The following RPSA2 variants were observed in gnomAD, a reference collection of about 807,000 sequenced individuals.
The protein encoded by RPSA2 is ribosomal protein SA 2.
chr19:23,785,652 C>T, the RPSA2 span, among the ~76,000 whole-genome samples: 5 of 148,000 alleles, frequency 3.4e-5, no homozygotes, highest in Non-Finnish European at 7.4e-5. Flanking sequence ...TGTCTGGTCC[C>T]TGCCCTCAGG....
chr19:23,811,421 G>A, the RPSA2 span, among the ~76,000 whole-genome samples: 3 of 152,102 alleles, frequency 2.0e-5, no homozygotes, highest in Admixed American at 6.6e-5. Context: ...GTCATTACTG[G>A]TGTAAACCAT....
chr19:23,848,946 C>T, the RPSA2 span, among the ~76,000 whole-genome samples: 8 of 152,186 alleles, frequency 5.3e-5, no homozygotes, highest in Non-Finnish European at 8.8e-5. Flanking sequence ...AAACAAATCT[C>T]TTAGCTCTTT....
At chr19:23,785,457 A>C in the RPSA2 span, among the ~76,000 whole-genome samples, 1 of 152,116 alleles carries the variant, frequency 6.6e-6, no homozygotes, top group Non-Finnish European at 1.5e-5. Context: ...CACTCTGCCC[A>C]CAGAAAAATT....
the RPSA2 span, among the ~76,000 whole-genome samples, chr19:23,848,817 A>G: frequency 6.6e-6 from 1 of 152,210 alleles, no homozygotes; most frequent in Non-Finnish European, 1.5e-5. Flanking sequence ...TTTGGGTGGA[A>G]TTGGCTTGCC....
At chr19:23,832,070 G>A in the RPSA2 span, 1 of 460,714 alleles carries the variant, frequency 2.2e-6, no homozygotes, top group Non-Finnish European at 4.4e-6. Flanking sequence ...GAAGAATGTG[G>A]CAAAGCTTTT....
the RPSA2 span, among the ~76,000 whole-genome samples, chr19:23,868,926 A>G: frequency 6.6e-6 from 1 of 152,110 alleles, no homozygotes; most frequent in Admixed American, 6.5e-5. Context: ...GGTGACATCA[A>G]CCCCTATAAC....
the RPSA2 span, among the ~76,000 whole-genome samples, chr19:23,821,595 A>G: frequency 1.3e-5 from 2 of 152,194 alleles, no homozygotes; most frequent in African/African-American, 4.8e-5. Context: ...ATTCTCTGCC[A>G]GCCCGATCAG....
At chr19:23,833,017 G>T in the RPSA2 span, 1 of 1,378,660 alleles carries the variant, frequency 7.3e-7, no homozygotes. Flanking sequence ...TTCAATTTTT[G>T]CTAACCATAA....
chr19:23,767,336 C>T, the RPSA2 span, among the ~76,000 whole-genome samples: 2 of 152,116 alleles, frequency 1.3e-5, no homozygotes, highest in Non-Finnish European at 2.9e-5. Flanking sequence ...GCCTGGGGCT[C>T]TCAAAGTGCA....
At chr19:23,819,973 C>G in the RPSA2 span, among the ~76,000 whole-genome samples, 1 of 152,176 alleles carries the variant, frequency 6.6e-6, no homozygotes, top group Non-Finnish European at 1.5e-5. Context: ...CAGGGGCAGT[C>G]GAAATCCAGG....
At chr19:23,809,646 A>G in the RPSA2 span, 2 of 151,912 alleles carry the variant, frequency 1.3e-5, no homozygotes, top group Non-Finnish European at 1.5e-5. Flanking sequence ...CTCTTTTATC[A>G]GACCGTTTGT....
chr19:23,759,554 C>CGCTCTG, the RPSA2 span, among the ~76,000 whole-genome samples: 2 of 84,334 alleles, frequency 2.4e-5, no homozygotes, highest in African/African-American at 9.0e-5. Flanking sequence ...GACGGAGTCT[C>CGCTCTG]GCTCTGTTGC....
the RPSA2 span, among the ~76,000 whole-genome samples, chr19:23,813,973 G>A: frequency 2.0e-5 from 3 of 151,826 alleles, no homozygotes; most frequent in East Asian, 3.9e-4. Flanking sequence ...TGCTCACCTC[G>A]GCCTCCCAAC....
the RPSA2 span, chr19:23,832,652 G>A: frequency 1.4e-6 from 2 of 1,468,734 alleles, no homozygotes; most frequent in South Asian, 1.2e-5. Flanking sequence ...GAAGAAGGTG[G>A]CAAAGCATTT....
At chr19:23,866,617 C>T in the RPSA2 span, among the ~76,000 whole-genome samples, 2 of 150,540 alleles carry the variant, frequency 1.3e-5, no homozygotes, top group East Asian at 3.9e-4. Flanking sequence ...ACAATAGCAC[C>T]CCCTGTCAGG....
chr19:23,858,245 G>C, the RPSA2 span, among the ~76,000 whole-genome samples: 5 of 121,624 alleles, frequency 4.1e-5, no homozygotes, highest in Non-Finnish European at 8.1e-5. Context: ...TGACCTGAAA[G>C]GGTGAGAAGG....
chr19:23,846,516 A>T, the RPSA2 span, among the ~76,000 whole-genome samples: 1 of 152,052 alleles, frequency 6.6e-6, no homozygotes, highest in Non-Finnish European at 1.5e-5. Flanking sequence ...TTGTTTTTAT[A>T]TTGGAAATCC....
the RPSA2 span, among the ~76,000 whole-genome samples, chr19:23,834,619 T>C: frequency 6.6e-6 from 1 of 152,092 alleles, no homozygotes; most frequent in Non-Finnish European, 1.5e-5. Flanking sequence ...ATTTTATTAA[T>C]TGCACTTTTA....
chr19:23,814,848 T>C, the RPSA2 span, among the ~76,000 whole-genome samples: 1 of 152,156 alleles, frequency 6.6e-6, no homozygotes. Context: ...GTTGTTGTGT[T>C]TGTTGTTTTT....
Sources: allele counts gnomAD v4.1 joint callset (sites outside exome capture counted in the v4.1 genomes callset), GRCh38; gene constraint gnomAD v4.1.1; transcripts MANE v1.5; gene names NCBI Gene and HGNC (gene_info 2026-07-23, HGNC 2026-07-21).